The following PCDH15 variants were observed in gnomAD, a reference collection of about 807,000 sequenced individuals.
PCDH15 encodes protocadherin related 15, also known as protocadherin-15.
In PCDH15, 129 loss-of-function variants were observed where a neutral mutation model predicts 178.5. The ratio of observed to expected loss-of-function variants is 0.72; its 90% CI spans 0.63 to 0.84. The LOEUF is 0.84. Ranked by LOEUF, PCDH15 falls within the 40% of genes least tolerant of loss-of-function variation. PCDH15 has a pLI of 0.00. For synonymous variants in PCDH15, 800 were observed against 732.0 expected, an observed-to-expected ratio of 1.09 and a Z score of -1.50; for missense variants, 2,230 against 2,099.9, an observed-to-expected ratio of 1.06 and a Z score of -1.21.
intron 3 of PCDH15, among the ~76,000 whole-genome samples, chr10:54,458,623 A>G (rs1011663829): frequency 4.6e-5 from 7 of 152,068 alleles, no homozygotes; most frequent in African/African-American, 7.2e-5. Context: ...AACATCTATC[A>G]TAGCTTATGT....
At chr10:55,465,059 A>C (rs1436214014) in intron 2 of PCDH15, among the ~76,000 whole-genome samples, 2 of 152,010 alleles carry the variant, frequency 1.3e-5, no homozygotes, top group Non-Finnish European at 2.9e-5. Flanking sequence ...TGACTTTTAA[A>C]CTCATCTTGG....
intron 3 of PCDH15, among the ~76,000 whole-genome samples, chr10:54,458,491 C>CT (rs918978761): frequency 7.3e-5 from 11 of 151,164 alleles, no homozygotes; most frequent in East Asian, 3.9e-4. Flanking sequence ...TGGTTCTTTG[C>CT]TTTTTTTTTC....
At chr10:55,524,071 T>TA (rs398013551) in intron 2 of PCDH15, among the ~76,000 whole-genome samples, 9 of 151,230 alleles carry the variant, frequency 6.0e-5, no homozygotes, top group Admixed American at 3.3e-4. Context: ...TTTTTTTTTT[T>TA]AGCAGCATTT....
At chr10:54,407,730 C>T (rs1363197559) in intron 3 of PCDH15, among the ~76,000 whole-genome samples, 5 of 151,960 alleles carry the variant, frequency 3.3e-5, no homozygotes, top group African/African-American at 1.2e-4. Context: ...TTTCCTGACC[C>T]TTAAACAGCT....
intron 2 of PCDH15, among the ~76,000 whole-genome samples, chr10:55,449,626 G>A (rs1007871831): frequency 5.3e-5 from 8 of 152,082 alleles, no homozygotes; most frequent in African/African-American, 1.7e-4. Flanking sequence ...TATACAAAAC[G>A]AAATATATGA....
chr10:54,567,908 C>T (rs559545231), intron 2 of PCDH15, among the ~76,000 whole-genome samples: 12 of 152,252 alleles, frequency 7.9e-5, no homozygotes, highest in East Asian at 1.9e-4. Context: ...CTTTCATCCT[C>T]TAAGGCTTCC....
chr10:55,330,808 A>G (rs989991040), intron 2 of PCDH15, among the ~76,000 whole-genome samples: 2 of 147,252 alleles, frequency 1.4e-5, no homozygotes, highest in African/African-American at 5.0e-5. Context: ...GTGATTTCTC[A>G]TTATCTCTCT....
At chr10:53,957,720 C>A (rs572754453) in intron 23 of PCDH15, among the ~76,000 whole-genome samples, 1 of 151,898 alleles carries the variant, frequency 6.6e-6, no homozygotes, top group South Asian at 2.1e-4. Context: ...TGACCTCGGG[C>A]AACAAACTGT....
At chr10:54,530,243 G>T (rs1194098188) in intron 2 of PCDH15, among the ~76,000 whole-genome samples, 1 of 151,744 alleles carries the variant, frequency 6.6e-6, no homozygotes, top group Non-Finnish European at 1.5e-5. Flanking sequence ...TATGTTTTTT[G>T]CATCAACTGT....
intron 27 of PCDH15, among the ~76,000 whole-genome samples, chr10:53,863,582 A>G (rs2133116867): frequency 6.6e-6 from 1 of 151,752 alleles, no homozygotes; most frequent in Non-Finnish European, 1.5e-5. Context: ...AATAAGTCAA[A>G]TCTAACATAG....
intron 2 of PCDH15, among the ~76,000 whole-genome samples, chr10:55,405,583 G>A (rs775436589): frequency 4.0e-5 from 6 of 151,526 alleles, no homozygotes; most frequent in Non-Finnish European, 8.8e-5. Context: ...ATTACAAAAG[G>A]TGTTTTAACA....
chr10:54,707,057 A>T (rs1476795844), intron 1 of PCDH15, among the ~76,000 whole-genome samples: 1 of 152,220 alleles, frequency 6.6e-6, no homozygotes, highest in Non-Finnish European at 1.5e-5. Flanking sequence ...TAATAGTAAG[A>T]GATGTGGAAC....
chr10:53,897,959 C>CTTTTTTTTTTTTTTTTTTTTTT (rs66513139), intron 26 of PCDH15, among the ~76,000 whole-genome samples: 1 of 82,412 alleles, frequency 1.2e-5, no homozygotes. Flanking sequence ...TTTCTTTTCC[C>CTTTTTTTTTTTTTTTTTTTTTT]TTTTTTTTTT....
chr10:53,846,149 A>T (rs1305311573), intron 28 of PCDH15, among the ~76,000 whole-genome samples: 2 of 151,924 alleles, frequency 1.3e-5, no homozygotes, highest in Admixed American at 1.3e-4. Flanking sequence ...ACAATCAAGT[A>T]TGAAGCAAAA....
At chr10:54,161,374 CA>C (rs1403982057) in intron 13 of PCDH15, among the ~76,000 whole-genome samples, 1 of 152,074 alleles carries the variant, frequency 6.6e-6, no homozygotes, top group Non-Finnish European at 1.5e-5. Context: ...GAAACCAAAA[CA>C]GGGGGTGTCT....
intron 2 of PCDH15, among the ~76,000 whole-genome samples, chr10:55,344,387 G>A (rs1844687060): frequency 6.6e-6 from 1 of 152,024 alleles, no homozygotes; most frequent in Non-Finnish European, 1.5e-5. Context: ...TGGGGTTCAG[G>A]GGAAAGCAGA....
At chr10:55,118,700 T>C (rs888594733) in intron 2 of PCDH15, among the ~76,000 whole-genome samples, 31 of 152,170 alleles carry the variant, frequency 2.0e-4, no homozygotes, top group African/African-American at 7.2e-4. Context: ...ATTCAATAGG[T>C]TAAGGGTGAA....
At chr10:54,750,986 T>C (rs1946150448) in intron 1 of PCDH15, among the ~76,000 whole-genome samples, 1 of 152,126 alleles carries the variant, frequency 6.6e-6, no homozygotes, top group Admixed American at 6.5e-5. Flanking sequence ...AAACAATTTA[T>C]GGCTTTCTAA....
chr10:55,065,457 A>T (rs1425514146), intron 2 of PCDH15, among the ~76,000 whole-genome samples: 2 of 152,080 alleles, frequency 1.3e-5, no homozygotes, highest in Non-Finnish European at 2.9e-5. Context: ...CAACCTCAGC[A>T]CTATCCAGTC....
Sources: gnomAD v4.1 joint callset for allele counts (sites outside exome capture counted in the v4.1 genomes callset) on GRCh38, gnomAD v4.1.1 for gene constraint, MANE v1.5 for transcripts, NCBI Gene and HGNC (gene_info 2026-07-23, HGNC 2026-07-21) for gene names.